The following ITFG2 variants were observed in gnomAD, a reference collection of about 807,000 sequenced individuals.
ITFG2 encodes the protein KICSTOR complex protein ITFG2.
Under a neutral mutation model 54.4 loss-of-function variants are expected in ITFG2, and 36 were observed. That is an observed-to-expected ratio of 0.66 (90% confidence interval 0.51 to 0.87). The LOEUF (loss-of-function observed/expected upper bound fraction) is 0.87. Ranked by LOEUF, ITFG2 falls within the 40% of genes least tolerant of loss-of-function variation. The pLI is 0.00. For missense variants in ITFG2, 524 were observed against 576.7 expected (o/e 0.91, Z 0.94); for synonymous variants, 211 against 225.4 (o/e 0.94, Z 0.57).
chr12:2,859,348 A>G (rs1417787013), intron 3 of ITFG2: 3 of 1,613,490 alleles, frequency 1.9e-6, no homozygotes, highest in Non-Finnish European at 8.5e-7. Flanking sequence ...AGCATTTCCG[A>G]GACACACCGG....
chr12:2,851,941 A>T (rs887782098), intron 2 of ITFG2, among the ~76,000 whole-genome samples: 1 of 152,148 alleles, frequency 6.6e-6, no homozygotes, highest in Non-Finnish European at 1.5e-5. Flanking sequence ...AACCTTCCAA[A>T]GTGCTGGGAT....
In ITFG2 at chr12:2,824,182, G is replaced by T; in HGVS notation, c.1333G>T (p.Asp445Tyr). ...ACAGTGTGCTCCCTCAAGCCTCCAG[G>T]ATCCCACCTAGCTGTACTTGCCTCA... ...PPQCAPSSLQ[D>Y]PT Residue 445 changes from aspartate to tyrosine, a missense_variant, in exon 12 of 12, where the codon GAT becomes TAT. By Grantham distance (160) the Asp-to-Tyr change is radical (BLOSUM62 -3). Transcript: ENST00000228799. The T allele has an allele frequency of 6.2e-7, 1 of 1,614,094 alleles. No homozygotes were observed. The highest frequency in any genetic ancestry group is 8.5e-7 in the Non-Finnish European group (1 of 1,180,008).
chr12:2,859,582 A>G lies in ITFG2; in HGVS notation n.669A>G, dbSNP rs28919868. 0.011 allele frequency: 18,509 copies of G among 1,613,496 alleles called. 1,784 individuals carry two copies. The African/African-American group carries it at 0.21, about 18-fold the overall frequency. On this transcript the variant is annotated non_coding_transcript_exon_variant, in exon 4 of 4. Transcript: ENST00000537710. ...GTCTGAACTGGAAGCAAAGGAGAAA[A>G]CCCTTCTCCAAACAGGAGTTTCTCC...
chr12:2,820,991 A>G (rs1343203966), intron 6 of ITFG2, 119 bp downstream of exon 6: 3 of 1,061,724 alleles, frequency 2.8e-6, no homozygotes, highest in South Asian at 3.1e-5. Context: ...CTAGGTCCCA[A>G]CCCAAGCACC....
upstream of ITFG2, chr12:2,834,728 TGAGCCGGCGCTGCTGGCTCAG>T: frequency 1.2e-6 from 2 of 1,614,024 alleles, no homozygotes; most frequent in Non-Finnish European, 1.7e-6. Flanking sequence ...GTGGCCTGTT[TGAGCCGGCGCTGCTGGCTCAG>T]GTGGGCTCGG....
chr12:2,816,975 A>G (rs191302237), intron 1 of ITFG2, among the ~76,000 whole-genome samples: 1 of 152,264 alleles, frequency 6.6e-6, no homozygotes, highest in East Asian at 1.9e-4. Context: ...ATTTTTTTGT[A>G]GAAATGGGAT....
chr12:2,824,442 C>T lies in ITFG2; in HGVS notation c.*249C>T, dbSNP rs1029375560. 5 of 522,008 alleles carry T rather than the reference C, an allele frequency of 9.6e-6. No homozygotes were observed. Among genetic ancestry groups the T allele is most frequent in the Non-Finnish European group, 1.4e-5 (4 of 280,856 alleles). 32.3% of individuals were successfully genotyped at this position (522,008 alleles called of 1,614,324 possible). On this transcript the variant is annotated 3_prime_UTR_variant, in exon 12 of 12. Transcript: ENST00000228799. ...ACCTCACCCATCATGCCAGCAGGGT[C>T]ATAGGACCCTGGCCTTGTTCCAAAT...
Position 2,818,200 on chromosome 12 carries a change from TAATCGGAGA to T in ITFG2, c.330_338del (p.Ile111_Glu113del), listed in dbSNP as rs1181327489. 44 of 1,613,982 alleles carry T rather than the reference TAATCGGAGA, an allele frequency of 2.7e-5. No homozygotes were observed. Among genetic ancestry groups the T allele is most frequent in the Non-Finnish European group, 3.7e-5 (44 of 1,180,042 alleles). ...GATGCTTCTGGGCACCACGAGACAC[TAATCGGAGA>T]GGAGCAGCGTCCAGTCTTCAAGCAG... On this transcript the variant is annotated inframe_deletion, in exon 4 of 12. Coordinates refer to ENST00000228799, the MANE Select transcript of ITFG2 (RefSeq NM_018463.4).
At chr12:2,828,205 C>T, downstream of ITFG2, 1 of 1,161,920 alleles carries the variant, frequency 8.6e-7, no homozygotes, top group Non-Finnish European at 1.3e-6. Context: ...TCTAGCCACT[C>T]TTTTGTTAAA....
chr12:2,818,836 G>A (rs2097931186), intron 4 of ITFG2, among the ~76,000 whole-genome samples: 1 of 151,532 alleles, frequency 6.6e-6, no homozygotes, highest in Non-Finnish European at 1.5e-5. Flanking sequence ...TGGCCCACAC[G>A]GTGAAACTCT....
At position 2,820,223 on chromosome 12, in the gene ITFG2, C is replaced by T. The variant is rs2097938674; in HGVS notation, c.544C>T (p.Gln182Ter). The T allele has an allele frequency of 6.3e-7, 1 of 1,595,392 alleles. No individual in the cohort carries two copies. Among genetic ancestry groups the T allele is most frequent in the African/African-American group, 1.3e-5 (1 of 74,326 alleles). Residue 182 changes from glutamine (Q) to a stop codon, truncating the protein, a stop_gained and splice_region_variant, in exon 5 of 12, where the codon CAG becomes TAG. Coordinates refer to ENST00000228799, the MANE Select transcript of ITFG2 (RefSeq NM_018463.4). LOFTEE classifies it high-confidence loss of function. ...CCTCAAGAAATGGATGCTGGAGGGT[C>T]AGGTAAGAAGCTGACTCTGGGGAAC... ...VSLKKWMLEG[Q>*]VDSLSVTLGP...
chr12:2,821,916 TCTTTTTTTTTTTTC>T (rs1418866329), intron 9 of ITFG2, 124 bp downstream of exon 9: 13 of 641,030 alleles, frequency 2.0e-5, no homozygotes, highest in Middle Eastern at 8.1e-4. Context: ...AGTCTCTGTC[TCTTTTTTTTTTTTC>T]CTTTTTTTTT....
At chr12:2,859,356 C>G in intron 3 of ITFG2, 1 of 1,613,728 alleles carries the variant, frequency 6.2e-7, no homozygotes, top group South Asian at 1.1e-5. Context: ...CGAGACACAC[C>G]GGGTTGGGGA....
chr12:2,841,223 G>A (rs1020188821), intron 2 of ITFG2, among the ~76,000 whole-genome samples: 5 of 152,220 alleles, frequency 3.3e-5, no homozygotes, highest in South Asian at 2.1e-4. Context: ...CCTGGATCCC[G>A]CTGCTCAGTC....
At chr12:2,851,687 A>AT (rs1184716761) in intron 2 of ITFG2, among the ~76,000 whole-genome samples, 1 of 150,706 alleles carries the variant, frequency 6.6e-6, no homozygotes, top group East Asian at 1.9e-4. Flanking sequence ...TTTTATTTTA[A>AT]TTTTTTCCCA....
chr12:2,814,100 T>C (rs930839192), intron 1 of ITFG2, among the ~76,000 whole-genome samples: 3 of 152,124 alleles, frequency 2.0e-5, no homozygotes, highest in African/African-American at 7.2e-5. Context: ...CCTGCCACCA[T>C]GTCTGGCTAA....
chr12:2,828,139 T>C (rs2097978921), downstream of ITFG2: 5 of 1,308,390 alleles, frequency 3.8e-6, no homozygotes, highest in East Asian at 1.2e-4. Flanking sequence ...TATGGTTTCA[T>C]CTCCAACCCC....
rs771198932 is a variant in ITFG2 at position 2,824,171 on chromosome 12, C to G, written c.1322C>G (p.Ser441Ter). 1.2e-6 allele frequency: 2 copies of G among 1,614,176 alleles called. No individual in the cohort carries two copies. The highest frequency in any genetic ancestry group is 1.7e-6 in the Non-Finnish European group (2 of 1,180,018). The change falls in exon 12 of 12, where the codon TCA becomes TGA. Residue 441 changes from serine to a stop codon, truncating the protein, a stop_gained. Transcript: ENST00000228799. LOFTEE classifies it high-confidence loss of function. Reference protein sequence around the residue: ...HPDQPPQCAPSSLQDPT With the variant: ...HPDQPPQCAP The stretch of plus-strand genomic sequence containing the variant: ...GACCAGCCACCACAGTGTGCTCCCT[C>G]AAGCCTCCAGGATCCCACCTAGCTG...
downstream of ITFG2, among the ~76,000 whole-genome samples, chr12:2,829,158 G>A (rs2153925871): frequency 6.6e-6 from 1 of 152,286 alleles, no homozygotes; most frequent in African/African-American, 2.4e-5. Context: ...GGAGTTTGAT[G>A]GCCTCCTGGT....
Sources: gnomAD v4.1 joint callset for allele counts (sites outside exome capture counted in the v4.1 genomes callset) on GRCh38, gnomAD v4.1.1 for gene constraint, MANE v1.5 for transcripts, NCBI Gene and HGNC (gene_info 2026-07-23, HGNC 2026-07-21) for gene names.